CRYL1: variants seen among roughly 807,000 people sequenced by gnomAD.
CRYL1 encodes the protein lambda-crystallin homolog.
In CRYL1, 29 loss-of-function variants were observed where a neutral mutation model predicts 36.6. The ratio of observed to expected loss-of-function variants is 0.79; its 90% CI spans 0.59 to 1.08. The LOEUF is 1.08. Among genes scored for constraint, CRYL1 ranks in the 50% least tolerant of loss-of-function variants. The probability of loss-of-function intolerance (pLI) is 0.00; values close to 1 mark genes in which losing one functional copy is unlikely to be tolerated. For missense variants in CRYL1, 411 were observed against 407.9 expected (o/e 1.01, Z -0.06); for synonymous variants, 152 against 151.5 (o/e 1.00, Z -0.02).
intron 1 of CRYL1, among the ~76,000 whole-genome samples, chr13:20,512,796 C>T (rs1028221391): frequency 4.6e-5 from 7 of 152,030 alleles, no homozygotes; most frequent in Non-Finnish European, 7.4e-5. Context: ...AGAGGCTGGA[C>T]GGGGGTGGGA....
At chr13:20,520,293 C>A (rs1443780682) in intron 1 of CRYL1, among the ~76,000 whole-genome samples, 1 of 151,896 alleles carries the variant, frequency 6.6e-6, no homozygotes, top group African/African-American at 2.4e-5. Flanking sequence ...AGAGAGGGTG[C>A]TTTTCTGTTT....
At chr13:20,421,065 C>CAA (rs66714729) in intron 5 of CRYL1, among the ~76,000 whole-genome samples, 5 of 151,118 alleles carry the variant, frequency 3.3e-5, no homozygotes, top group African/African-American at 9.8e-5. Context: ...AACAAACAAA[C>CAA]AAAAAAAAAA....
intron 1 of CRYL1, among the ~76,000 whole-genome samples, chr13:20,515,417 A>T (rs879478343): frequency 6.6e-6 from 1 of 152,196 alleles, no homozygotes; most frequent in Non-Finnish European, 1.5e-5. Flanking sequence ...ATAATACTTA[A>T]ATTTTCATAA....
intron 1 of CRYL1, among the ~76,000 whole-genome samples, chr13:20,520,565 G>C (rs537141067): frequency 6.6e-6 from 1 of 152,224 alleles, no homozygotes; most frequent in South Asian, 2.1e-4. Flanking sequence ...GATTGGACTG[G>C]GCCCCACTTC....
chr13:20,476,652 C>T (rs2033173177), intron 3 of CRYL1, among the ~76,000 whole-genome samples: 1 of 152,218 alleles, frequency 6.6e-6, no homozygotes, highest in Non-Finnish European at 1.5e-5. Flanking sequence ...GCAGGGCCAG[C>T]ACCGAGTTCT....
chr13:20,479,933 A>G (rs1278030673), intron 3 of CRYL1, among the ~76,000 whole-genome samples: 2 of 152,196 alleles, frequency 1.3e-5, no homozygotes, highest in Non-Finnish European at 1.5e-5. Flanking sequence ...GAAGTCATGG[A>G]CCAAGCTGTT....
At chr13:20,437,447 A>G (rs35394426) in intron 4 of CRYL1, among the ~76,000 whole-genome samples, 7,036 of 152,050 alleles carry the variant, frequency 0.046, 345 homozygotes, top group Admixed American at 0.17. Context: ...AGCTGGGACT[A>G]CAGGCGACCG....
chr13:20,486,694 T>C (rs9506498), intron 3 of CRYL1, among the ~76,000 whole-genome samples: 91,870 of 151,988 alleles, frequency 0.6, 30,951 homozygotes, highest in South Asian at 0.8. Flanking sequence ...TTCTACATAA[T>C]AGATATGGCT....
At chr13:20,470,011 TGAA>T (rs563692452) in intron 3 of CRYL1, among the ~76,000 whole-genome samples, 85 of 152,344 alleles carry the variant, frequency 5.6e-4, no homozygotes, top group African/African-American at 1.9e-3. Flanking sequence ...CTCAGGGTCC[TGAA>T]GAAGACTATC....
chr13:20,437,308 A>AT (rs1271876913), intron 4 of CRYL1, among the ~76,000 whole-genome samples: 7 of 141,662 alleles, frequency 4.9e-5, no homozygotes, highest in African/African-American at 1.3e-4. Flanking sequence ...AAGGAAGATT[A>AT]ATTTTTTTTT....
intron 6 of CRYL1, among the ~76,000 whole-genome samples, chr13:20,411,585 C>A (rs1244638582): frequency 6.6e-6 from 1 of 152,192 alleles, no homozygotes; most frequent in Non-Finnish European, 1.5e-5. Flanking sequence ...AGTATATATA[C>A]AAATCTATAT....
chr13:20,519,365 T>A (rs1231177574), intron 1 of CRYL1, among the ~76,000 whole-genome samples: 2 of 152,052 alleles, frequency 1.3e-5, no homozygotes, highest in Non-Finnish European at 2.9e-5. Context: ...AAGAGCAGAT[T>A]TGTGGGATTG....
chr13:20,427,675 T>G (rs1593436838), intron 5 of CRYL1, among the ~76,000 whole-genome samples: 5 of 126,244 alleles, frequency 4.0e-5, no homozygotes, highest in Middle Eastern at 4.4e-3. Context: ...CCAGAGTGAG[T>G]GAGTGAGACT....
At chr13:20,482,803 C>T (rs977295758) in intron 3 of CRYL1, among the ~76,000 whole-genome samples, 8 of 152,176 alleles carry the variant, frequency 5.3e-5, no homozygotes, top group Non-Finnish European at 1.0e-4. Flanking sequence ...TCAAACTCTG[C>T]CTCCTGCTTG....
intron 1 of CRYL1, among the ~76,000 whole-genome samples, chr13:20,520,643 C>T (rs2034076134): frequency 6.6e-6 from 1 of 152,158 alleles, no homozygotes; most frequent in Admixed American, 6.5e-5. Context: ...CCCTGGGGAC[C>T]AGCTGGTGTC....
At chr13:20,450,790 A>G (rs1232533542) in intron 3 of CRYL1, among the ~76,000 whole-genome samples, 1 of 152,214 alleles carries the variant, frequency 6.6e-6, no homozygotes, top group African/African-American at 2.4e-5. Flanking sequence ...TATTCACAAT[A>G]GCAAAGACTT....
At chr13:20,516,391 T>C (rs1368325832) in intron 1 of CRYL1, among the ~76,000 whole-genome samples, 1 of 152,048 alleles carries the variant, frequency 6.6e-6, no homozygotes, top group East Asian at 1.9e-4. Flanking sequence ...AGAGGAAATA[T>C]GTATTTGTAA....
At chr13:20,446,779 T>G (rs11618713) in intron 3 of CRYL1, among the ~76,000 whole-genome samples, 37,981 of 152,094 alleles carry the variant, frequency 0.25, 5,337 homozygotes, top group Non-Finnish European at 0.32. Flanking sequence ...ATTATGCCTG[T>G]TGGTAGAGTG....
At chr13:20,406,742 G>C (rs1426999874) in intron 6 of CRYL1, among the ~76,000 whole-genome samples, 6 of 151,982 alleles carry the variant, frequency 3.9e-5, no homozygotes, top group Non-Finnish European at 8.8e-5. Flanking sequence ...GGGGAGGGCA[G>C]AGACACAAGA....
Sources: allele counts gnomAD v4.1 joint callset (sites outside exome capture counted in the v4.1 genomes callset), GRCh38; gene constraint gnomAD v4.1.1; transcripts MANE v1.5; gene names NCBI Gene and HGNC (gene_info 2026-07-23, HGNC 2026-07-21).